TRIM37: variants seen among roughly 807,000 people sequenced by gnomAD.
TRIM37 encodes tripartite motif containing 37.
In TRIM37, 80 loss-of-function variants were observed where a neutral mutation model predicts 129.8. That is an observed-to-expected ratio of 0.62 (90% CI 0.51 to 0.74). TRIM37 has a LOEUF of 0.74. TRIM37 is among the 30% of genes least tolerant of loss of function. TRIM37 has a pLI of 0.00. For missense variants in TRIM37, 1,054 were observed against 1,176.5 expected (o/e 0.90, Z 1.52); for synonymous variants, 389 against 387.1 (o/e 1.00, Z -0.06).
intron 4 of TRIM37, among the ~76,000 whole-genome samples, chr17:59,085,197 A>G (rs1397911556): frequency 6.6e-6 from 1 of 151,760 alleles, no homozygotes; most frequent in Non-Finnish European, 1.5e-5. Flanking sequence ...GTGGTGGTGC[A>G]CTCCTACAAC....
chr17:58,976,381 T>C, the TRIM37 span, among the ~76,000 whole-genome samples: 1 of 152,004 alleles, frequency 6.6e-6, no homozygotes, highest in Non-Finnish European at 1.5e-5. Context: ...TTTACCAAAA[T>C]CCAGTAGCTT....
chr17:58,980,791 G>T, downstream of TRIM37: 1 of 1,614,184 alleles, frequency 6.2e-7, no homozygotes, highest in Non-Finnish European at 8.5e-7. The surrounding 1 kb of genome is among the most constrained non-coding windows in gnomAD (Gnocchi z 4.7). Flanking sequence ...ACTACTCAAA[G>T]AAGTGGCACA....
chr17:58,980,084 G>T, downstream of TRIM37: 2 of 1,614,124 alleles, frequency 1.2e-6, no homozygotes, highest in Non-Finnish European at 1.7e-6. The surrounding 1 kb of genome is among the most constrained non-coding windows in gnomAD (Gnocchi z 4.7). Context: ...CTATGACACC[G>T]TGAACCCTGA....
intron 19 of TRIM37, among the ~76,000 whole-genome samples, chr17:59,017,974 CAT>C (rs1284260872): frequency 6.6e-6 from 1 of 152,178 alleles, no homozygotes; most frequent in Non-Finnish European, 1.5e-5. Context: ...TAAGAAAAAT[CAT>C]ACAAATTTCA....
chr17:59,012,581 A>C (rs2035430181), intron 21 of TRIM37, 135 bp from the exon 22 acceptor site: 1 of 680,738 alleles, frequency 1.5e-6, no homozygotes, highest in African/African-American at 1.8e-5. Context: ...TTTTATCTGA[A>C]AATATTTCAC....
chr17:59,060,927 C>T (rs1460236408), intron 12 of TRIM37, 105 bp downstream of exon 12: 6 of 778,196 alleles, frequency 7.7e-6, no homozygotes, highest in Non-Finnish European at 1.3e-5. Flanking sequence ...TACATCTTAA[C>T]AGACATACCA....
intron 22 of TRIM37, among the ~76,000 whole-genome samples, chr17:59,007,191 A>AC (rs1188632772): frequency 1.2e-4 from 8 of 68,010 alleles, no homozygotes; most frequent in Admixed American, 3.9e-4. Flanking sequence ...ACACACACAC[A>AC]CACACACACA....
intron 21 of TRIM37, among the ~76,000 whole-genome samples, chr17:59,014,728 A>G (rs79663758): frequency 1.3e-5 from 2 of 151,500 alleles, no homozygotes; most frequent in African/African-American, 4.8e-5. Flanking sequence ...AAAAAAAAAA[A>G]GGCTGACCGC....
chr17:58,989,195 A>AGAGG (rs1384709140), intron 24 of TRIM37, among the ~76,000 whole-genome samples: 1 of 152,096 alleles, frequency 6.6e-6, no homozygotes, highest in African/African-American at 2.4e-5. Context: ...TATTGTTTTG[A>AGAGG]GAGGCCAAGG....
chr17:59,083,694 T>C (rs1296715058), intron 5 of TRIM37, among the ~76,000 whole-genome samples: 1 of 152,218 alleles, frequency 6.6e-6, no homozygotes, highest in Non-Finnish European at 1.5e-5. Context: ...TGTTGGCCAG[T>C]ACATCTGATC....
At position 58,988,908 on chromosome 17, in the gene TRIM37, T is replaced by C. The variant is rs116945380; in HGVS notation, c.2892-5987A>G. Among the ~76,000 whole-genome samples, 327 of 152,276 alleles carry C rather than the reference T, an allele frequency of 2.1e-3. 13 individuals are homozygous for C. In the East Asian group the frequency reaches 0.054, roughly 25 times the overall value. ...TAAAAGTAATTTTGGTTCTTGCCAT[T>C]AAAAAATGCGAAAACCACAATTACT... On this transcript the variant is annotated intron_variant, in intron 24 of 24. Coordinates refer to the TRIM37 transcript ENST00000393066.
the TRIM37 span, chr17:58,969,407 C>G: frequency 2.3e-6 from 2 of 876,384 alleles, no homozygotes; most frequent in South Asian, 2.8e-5. Context: ...AGAAGGAAAA[C>G]ATTTAGTCTC....
At chr17:58,995,083 C>G (rs2032852829), downstream of TRIM37, among the ~76,000 whole-genome samples, 1 of 151,816 alleles carries the variant, frequency 6.6e-6, no homozygotes, top group Admixed American at 6.6e-5. Flanking sequence ...GTGTCTCACT[C>G]TGTCACGCAG....
At chr17:59,080,875 G>GA (rs1369863212) in intron 6 of TRIM37, among the ~76,000 whole-genome samples, 1 of 152,054 alleles carries the variant, frequency 6.6e-6, no homozygotes, top group Non-Finnish European at 1.5e-5. Context: ...CTGCATAAGT[G>GA]GTAATTCTCT....
At chr17:59,090,678 T>C (rs781599921) in intron 3 of TRIM37, among the ~76,000 whole-genome samples, 21 of 152,076 alleles carry the variant, frequency 1.4e-4, no homozygotes, top group Non-Finnish European at 2.5e-4. Flanking sequence ...TTGGCTCAAG[T>C]GCAGCAGTAC....
chr17:58,991,094 A>G (rs1464303228), intron 24 of TRIM37, among the ~76,000 whole-genome samples: 12 of 149,662 alleles, frequency 8.0e-5, no homozygotes, highest in Admixed American at 6.0e-4. Flanking sequence ...AGAATCATTT[A>G]AACCCAGGAG....
chr17:59,106,311 G>A (rs905821743), intron 1 of TRIM37, 130 bp downstream of exon 1: 16 of 1,097,918 alleles, frequency 1.5e-5, no homozygotes, highest in Non-Finnish European at 2.2e-5. Flanking sequence ...TACCGGGCCA[G>A]CCCTCTCCAC....
At chr17:59,091,007 T>C (rs1168768989) in intron 3 of TRIM37, among the ~76,000 whole-genome samples, 1 of 152,058 alleles carries the variant, frequency 6.6e-6, no homozygotes, top group East Asian at 1.9e-4. Flanking sequence ...GCCCTAACTA[T>C]CTGGATTTTT....
intron 22 of TRIM37, among the ~76,000 whole-genome samples, chr17:59,006,672 C>A (rs1426011998): frequency 1.3e-5 from 2 of 151,988 alleles, no homozygotes; most frequent in Non-Finnish European, 2.9e-5. Flanking sequence ...GCAGATTGCC[C>A]GAGGTCAGGA....
Sources: allele counts gnomAD v4.1 joint callset (sites outside exome capture counted in the v4.1 genomes callset), GRCh38; gene constraint gnomAD v4.1.1; non-coding constraint Gnocchi (gnomAD v3.1); transcripts MANE v1.5; gene names NCBI Gene and HGNC (gene_info 2026-07-23, HGNC 2026-07-21).